The following SIGLEC6 variants were observed in gnomAD, a reference collection of about 807,000 sequenced individuals.
SIGLEC6 encodes the protein sialic acid-binding Ig-like lectin 6.
Under a neutral mutation model 41.4 loss-of-function variants are expected in SIGLEC6, and 31 were observed. The ratio of observed to expected loss-of-function variants is 0.75; its 90% CI spans 0.56 to 1.01. SIGLEC6 has a LOEUF of 1.01. Ranked by LOEUF, SIGLEC6 falls within the 50% of genes least tolerant of loss-of-function variation. The pLI is 0.00. For missense variants in SIGLEC6, 555 were observed against 558.6 expected (o/e 0.99, Z 0.06); for synonymous variants, 217 against 231.0 (o/e 0.94, Z 0.55).
chr19:51,526,632 C>G (rs1410420818), intron 7 of SIGLEC6, among the ~76,000 whole-genome samples: 2 of 152,102 alleles, frequency 1.3e-5, no homozygotes, highest in Non-Finnish European at 2.9e-5. Context: ...AATCTAAAAG[C>G]CAGAGTGTCT....
At chr19:51,524,851 G>A (rs1007432291) in intron 7 of SIGLEC6, among the ~76,000 whole-genome samples, 3 of 152,190 alleles carry the variant, frequency 2.0e-5, no homozygotes, top group African/African-American at 7.2e-5. Context: ...CAGCTCCCCA[G>A]GATTGGCATG....
Position 51,520,008 on chromosome 19 carries a change from T to G in SIGLEC6, c.*74A>C. 2 of 1,279,196 alleles carry G rather than the reference T, an allele frequency of 1.6e-6. No individual in the cohort carries two copies. The highest frequency in any genetic ancestry group is 2.1e-6 in the Non-Finnish European group (2 of 939,966). The allele number at this position is 1,279,196 out of a possible 1,614,324, so 79.2% of individuals were successfully genotyped here. A position where few individuals can be genotyped will look rare whatever the true frequency, so the allele number is the denominator to read the frequency against. On this transcript the variant is annotated 3_prime_UTR_variant, in exon 8 of 8. Transcript: ENST00000425629. ...TCACTCGGTTTGTGGTACATTGCTGTGGCAGCCCTAGTAACCAATACACTG... is the reference window on the plus strand; with the variant it reads ...TCACTCGGTTTGTGGTACATTGCTGGGGCAGCCCTAGTAACCAATACACTG...
intron 7 of SIGLEC6, among the ~76,000 whole-genome samples, chr19:51,525,808 C>T (rs537078391): frequency 3.4e-4 from 51 of 152,164 alleles, no homozygotes; most frequent in African/African-American, 1.2e-3. Context: ...ATGAACGTTC[C>T]CATTGGCAGT....
In SIGLEC6 at chr19:51,517,952, C is replaced by T. The variant is rs561374748; in HGVS notation, c.*2130G>A. On this transcript the variant is annotated 3_prime_UTR_variant, in exon 8 of 8. Coordinates refer to ENST00000425629, the MANE Select transcript of SIGLEC6 (RefSeq NM_001245.7). ...ATATAATATTGGTATTTCAATATTACATTTGATGTTTGACCCCTCTACAAA... is the reference window on the plus strand; with the variant it reads ...ATATAATATTGGTATTTCAATATTATATTTGATGTTTGACCCCTCTACAAA... 5.6e-4 allele frequency among the ~76,000 whole-genome samples: 85 copies of T among 152,196 alleles called. No individual in the cohort carries two copies. Among genetic ancestry groups the T allele is most frequent in the Non-Finnish European group, 9.3e-4 (63 of 67,984 alleles).
intron 7 of SIGLEC6, among the ~76,000 whole-genome samples, chr19:51,521,394 T>G (rs571315905): frequency 6.6e-6 from 1 of 152,114 alleles, no homozygotes; most frequent in African/African-American, 2.4e-5. Flanking sequence ...GTGTGTGTGT[T>G]CAGGGAGGCA....
In SIGLEC6 at chr19:51,519,881, C is replaced by T. The variant is rs1253751874; in HGVS notation, c.*201G>A. 3 of 349,430 alleles carry T rather than the reference C, an allele frequency of 8.6e-6. No individual in the cohort carries two copies. Among genetic ancestry groups the T allele is most frequent in the Non-Finnish European group, 1.6e-5 (3 of 193,432 alleles). The allele number at this position is 349,430 out of a possible 1,614,324, so 21.6% of individuals were successfully genotyped here. ...GACACAAGGAGGAGACAGCCATCTA[C>T]AAGCCAACAAGAGAGGCCTTAGAAG... On this transcript the variant is annotated 3_prime_UTR_variant, in exon 8 of 8. Coordinates refer to ENST00000425629, the MANE Select transcript of SIGLEC6 (RefSeq NM_001245.7).
chr19:51,527,763 A>G lies in SIGLEC6; in HGVS notation c.1172T>C (p.Met391Thr). 1 of 1,614,142 alleles carries G rather than the reference A, an allele frequency of 6.2e-7. No homozygotes were observed. The highest frequency in any genetic ancestry group is 1.1e-5 in the South Asian group (1 of 91,080). Reference protein sequence around the residue: ...VQNTDDVNPVMVSGSRGHQHQ... With the variant: ...VQNTDDVNPVTVSGSRGHQHQ... ...GTCACTCACCCTGGAGCCTGAGACC[A>G]TGACGGGGTTCACATCATCCGTGTT... Residue 391 changes from methionine to threonine, a missense_variant, in exon 7 of 8, where the codon ATG (methionine) becomes ACG (threonine). By Grantham distance (81) the Met-to-Thr change is moderately conservative. Transcript: ENST00000425629.
In SIGLEC6 at chr19:51,529,868, A is replaced by C; in HGVS notation, c.868T>G (p.Phe290Val). 1 of 1,614,088 alleles carries C rather than the reference A, an allele frequency of 6.2e-7. No homozygotes were observed. The highest frequency in any genetic ancestry group is 8.5e-7 in the Non-Finnish European group (1 of 1,179,990). ...PPAHLSWFQG[F>V]PALNATPISN... ...ATGGGGGTGGCGTTCAGGGCGGGGA[A>C]GCCCTGGAACCAGCTCAGGTGTGCA... Residue 290 changes from phenylalanine (F) to valine (V), a missense_variant, in exon 5 of 8, where the codon TTC becomes GTC. Transcript: ENST00000425629.
At position 51,531,505 on chromosome 19, in the gene SIGLEC6, C is replaced by T. The variant is rs1980395753; in HGVS notation, c.82G>A (p.Glu28Lys). 4 of 1,613,892 alleles carry T rather than the reference C, an allele frequency of 2.5e-6. No individual in the cohort carries two copies. The highest frequency in any genetic ancestry group is 3.4e-6 in the Non-Finnish European group (4 of 1,179,876). Residue 28 changes from glutamate (E) to lysine (K), a missense_variant, in exon 2 of 8, where the codon GAG becomes AAG. Coordinates refer to ENST00000425629, the MANE Select transcript of SIGLEC6 (RefSeq NM_001245.7). ...PLLWAGALAQERRFQLEGPES... is the reference protein window; with the variant it reads ...PLLWAGALAQKRRFQLEGPES... ...GGCCCCTCCAGCTGGAATCTCCGCTCCTGAGCCAGGGCCCCTATGGAGACA... is the reference window on the plus strand; with the variant it reads ...GGCCCCTCCAGCTGGAATCTCCGCTTCTGAGCCAGGGCCCCTATGGAGACA...
chr19:51,526,902 A>C (rs11084084), intron 7 of SIGLEC6, among the ~76,000 whole-genome samples: 13,549 of 152,228 alleles, frequency 0.089, 750 homozygotes, highest in African/African-American at 0.14. Flanking sequence ...TTCATAACAC[A>C]ATCAGAAGTA....
rs1408446135 is a variant in SIGLEC6 at position 51,531,333 on chromosome 19, A to G, written c.254T>C (p.Val85Ala). The G allele has an allele frequency of 6.2e-7, 1 of 1,614,072 alleles. No individual in the cohort carries two copies. The highest frequency in any genetic ancestry group is 1.1e-5 in the South Asian group (1 of 91,086). ...GAATCGGCCCCGGGTCTCCTCCTGCACTTCTTCGTCTGGGTCGTTTGTGGC... is the reference window on the plus strand; with the variant it reads ...GAATCGGCCCCGGGTCTCCTCCTGCGCTTCTTCGTCTGGGTCGTTTGTGGC... ...PVATNDPDEEVQEETRGRFHL... is the reference protein window; with the variant it reads ...PVATNDPDEEAQEETRGRFHL... Residue 85 changes from valine to alanine, a missense_variant, in exon 2 of 8, where the codon GTG (valine) becomes GCG (alanine). Transcript: ENST00000425629.
rs1980262034 is a variant in SIGLEC6 at position 51,531,142 on chromosome 19, C to T, written c.427+18G>A. The T allele has an allele frequency of 6.4e-7, 1 of 1,570,702 alleles. No individual in the cohort carries two copies. Among genetic ancestry groups the T allele is most frequent in the Non-Finnish European group, 8.6e-7 (1 of 1,157,942 alleles). ...CCATGACCTTCCCCTGTGGCTAGTC[C>T]TGGAGCTGGTTCCTTACCCATCACA... On this transcript the variant is annotated intron_variant, in intron 2 of 7. Coordinates refer to ENST00000425629, the MANE Select transcript of SIGLEC6 (RefSeq NM_001245.7).
rs1306431726 is a variant in SIGLEC6, at chr19:51,529,863, G to A, written c.873C>T (p.Pro291=). 16 of 1,614,016 alleles carry A rather than the reference G, an allele frequency of 9.9e-6. No individual in the cohort carries two copies. Among genetic ancestry groups the A allele is most frequent in the East Asian group, 4.5e-5 (2 of 44,880 alleles). ...PAHLSWFQGF[P]ALNATPISNT... ...TGGAGATGGGGGTGGCGTTCAGGGC[G>A]GGGAAGCCCTGGAACCAGCTCAGGT... Residue 291 remains proline, a synonymous_variant, in exon 5 of 8, where the codon CCC becomes CCT. Transcript: ENST00000425629.
rs775693797 is a variant in SIGLEC6, at chr19:51,530,634, G to T, written c.706+47C>A. On this transcript the variant is annotated intron_variant, in intron 3 of 7. Coordinates refer to ENST00000425629, the MANE Select transcript of SIGLEC6 (RefSeq NM_001245.7). ...TTAAGCTCTGGCTCAGCCCTGCCCT[G>T]TCCCCCCACACCCTCAGGGACCCGG... 7.9e-5 allele frequency: 127 copies of T among 1,608,982 alleles called. 1 individual carries two copies. In the South Asian group the frequency reaches 1.3e-3, roughly 17 times the overall value.
At position 51,518,075 on chromosome 19, in the gene SIGLEC6, A is replaced by G. The variant is rs1990660812; in HGVS notation, c.*2007T>C. ...TTGGATCTCAAAAATCTAATCTGGG[A>G]TCACTTTCCTAATACCTGAATTATA... On this transcript the variant is annotated 3_prime_UTR_variant, in exon 8 of 8. Transcript: ENST00000425629. 6.6e-6 allele frequency among the ~76,000 whole-genome samples: 1 copy of G among 152,164 alleles called. No individual in the cohort carries two copies. The highest frequency in any genetic ancestry group is 1.5e-5 in the Non-Finnish European group (1 of 68,030).
chr19:51,526,353 G>A (rs2122382548), intron 7 of SIGLEC6, among the ~76,000 whole-genome samples: 1 of 152,336 alleles, frequency 6.6e-6, no homozygotes, highest in Admixed American at 6.5e-5. Context: ...GAGGATTCAT[G>A]TGGCTGAACA....
At chr19:51,524,733 T>C (rs915248763) in intron 7 of SIGLEC6, among the ~76,000 whole-genome samples, 2 of 152,046 alleles carry the variant, frequency 1.3e-5, no homozygotes, top group African/African-American at 4.8e-5. Context: ...GGAGAGGAGA[T>C]AGAGTGGCAA....
At chr19:51,530,545 T>C (rs1292021775) in intron 3 of SIGLEC6, 61 bp from the exon 4 acceptor site, 1 of 1,610,466 alleles carries the variant, frequency 6.2e-7, no homozygotes, top group Admixed American at 1.7e-5. Context: ...GCATGGGGCC[T>C]TCCCCTCAGG....
chr19:51,529,717 C>T lies in SIGLEC6; in HGVS notation c.1012+7G>A, dbSNP rs1256342830. ...CCACACTCTCGCGCACCTCCCCCCA[C>T]ACTCACAATGCACAAAGAGACTCAG... On this transcript the variant is annotated splice_region_variant and intron_variant, in intron 5 of 7. Coordinates refer to ENST00000425629, the MANE Select transcript of SIGLEC6 (RefSeq NM_001245.7). The T allele has an allele frequency of 6.2e-7, 1 of 1,614,020 alleles. No homozygotes were observed. The highest frequency in any genetic ancestry group is 1.7e-5 in the Admixed American group (1 of 60,006).
Sources: allele counts gnomAD v4.1 joint callset (sites outside exome capture counted in the v4.1 genomes callset), GRCh38; gene constraint gnomAD v4.1.1; transcripts MANE v1.5; gene names NCBI Gene and HGNC (gene_info 2026-07-23, HGNC 2026-07-21).